SLC9A9: variants seen among roughly 807,000 people sequenced by gnomAD.
SLC9A9 encodes solute carrier family 9 member A9.
A neutral mutation model predicts 77.8 loss-of-function variants in SLC9A9; 62 were observed. That is an observed-to-expected ratio of 0.80 (90% CI 0.65 to 0.98). The LOEUF (loss-of-function observed/expected upper bound fraction) is 0.98. Ranked by LOEUF, SLC9A9 falls within the 50% of genes least tolerant of loss-of-function variation. SLC9A9 has a pLI of 0.00. For missense variants in SLC9A9, 775 were observed against 774.9 expected (o/e 1.00, Z 0.00); for synonymous variants, 320 against 283.5 (o/e 1.13, Z -1.29).
chr3:143,847,970 T>G, intron 1 of SLC9A9, 178 bp downstream of exon 1: 1 of 666,136 alleles, frequency 1.5e-6, no homozygotes, highest in Non-Finnish European at 2.6e-6. Flanking sequence ...ACATGGCAAA[T>G]TTCGGCGGCT....
At chr3:143,752,315 G>A (rs969961714) in intron 4 of SLC9A9, among the ~76,000 whole-genome samples, 31 of 152,130 alleles carry the variant, frequency 2.0e-4, no homozygotes, top group African/African-American at 7.0e-4. Context: ...CACCTGTTTT[G>A]AATTCTCTTT....
chr3:143,825,387 T>G (rs1230352099), intron 2 of SLC9A9, among the ~76,000 whole-genome samples: 1 of 149,004 alleles, frequency 6.7e-6, no homozygotes, highest in East Asian at 2.0e-4. Context: ...AAAATCAAAA[T>G]CACCATTAGG....
chr3:143,721,189 C>T (rs1934489097), intron 4 of SLC9A9, among the ~76,000 whole-genome samples: 1 of 152,124 alleles, frequency 6.6e-6, no homozygotes, highest in Admixed American at 6.5e-5. Flanking sequence ...GAGCCACTTC[C>T]CCCACACCCC....
chr3:143,506,838 T>C (rs573292461), intron 9 of SLC9A9, among the ~76,000 whole-genome samples: 1 of 152,250 alleles, frequency 6.6e-6, no homozygotes, highest in East Asian at 1.9e-4. Context: ...GTTTTGCCAA[T>C]AAGTACTAAC....
chr3:143,303,951 T>C (rs529000833), intron 14 of SLC9A9, among the ~76,000 whole-genome samples: 2 of 152,206 alleles, frequency 1.3e-5, no homozygotes, highest in Admixed American at 1.3e-4. Context: ...CAGGTTAGTC[T>C]TTAGAAAGCA....
At chr3:143,279,660 C>T (rs538011823) in intron 14 of SLC9A9, among the ~76,000 whole-genome samples, 12 of 152,194 alleles carry the variant, frequency 7.9e-5, no homozygotes, top group East Asian at 1.9e-4. Context: ...TGAGAACATG[C>T]GGTGTTTGGT....
intron 14 of SLC9A9, among the ~76,000 whole-genome samples, chr3:143,354,149 A>G (rs903926317): frequency 9.9e-5 from 15 of 152,130 alleles, no homozygotes; most frequent in Non-Finnish European, 1.6e-4. Context: ...TGCCACACTC[A>G]TCACAGGACC....
chr3:143,812,729 C>T (rs74737433), intron 2 of SLC9A9, among the ~76,000 whole-genome samples: 2,101 of 152,194 alleles, frequency 0.014, 21 homozygotes, highest in Non-Finnish European at 0.019. Context: ...GTAGAGCATT[C>T]GGCAGCGGTT....
At chr3:143,336,322 C>G (rs2031922085) in intron 14 of SLC9A9, among the ~76,000 whole-genome samples, 2 of 152,128 alleles carry the variant, frequency 1.3e-5, no homozygotes, top group Non-Finnish European at 2.9e-5. Flanking sequence ...CTATGGAAAA[C>G]AGTAAGTATG....
chr3:143,314,784 T>C (rs1268650026), intron 14 of SLC9A9, among the ~76,000 whole-genome samples: 1 of 152,184 alleles, frequency 6.6e-6, no homozygotes, highest in Non-Finnish European at 1.5e-5. Flanking sequence ...TCTGCAAAGC[T>C]GGAGGTAAAA....
intron 12 of SLC9A9, among the ~76,000 whole-genome samples, chr3:143,454,945 A>G (rs1206539174): frequency 6.6e-6 from 1 of 152,216 alleles, no homozygotes; most frequent in East Asian, 1.9e-4. Flanking sequence ...CTTGCCAGAG[A>G]AAACTCTCTT....
At chr3:143,660,880 G>A (rs757639548) in intron 5 of SLC9A9, among the ~76,000 whole-genome samples, 5 of 152,106 alleles carry the variant, frequency 3.3e-5, no homozygotes, top group Non-Finnish European at 7.4e-5. Flanking sequence ...GAAAAACCTG[G>A]ACCAATGACG....
chr3:143,626,604 C>T (rs537049996), intron 6 of SLC9A9, among the ~76,000 whole-genome samples: 1 of 137,302 alleles, frequency 7.3e-6, no homozygotes, highest in East Asian at 2.3e-4. Context: ...CATCACACAC[C>T]GGGGCTTGTT....
intron 5 of SLC9A9, among the ~76,000 whole-genome samples, chr3:143,673,511 A>G (rs2039191081): frequency 6.6e-6 from 1 of 151,272 alleles, no homozygotes; most frequent in African/African-American, 2.4e-5. Flanking sequence ...TGAAATACCA[A>G]TCCAAATACA....
intron 4 of SLC9A9, among the ~76,000 whole-genome samples, chr3:143,752,101 T>A (rs1166389152): frequency 6.6e-6 from 1 of 152,216 alleles, no homozygotes; most frequent in Non-Finnish European, 1.5e-5. Flanking sequence ...AAAGTGATGT[T>A]GAGAGATTTT....
chr3:143,627,574 T>G (rs1274656682), intron 6 of SLC9A9: 1 of 324,896 alleles, frequency 3.1e-6, no homozygotes, highest in Non-Finnish European at 6.0e-6. Flanking sequence ...CAGCGGTGGT[T>G]CTTTTCTGGC....
At chr3:143,525,408 C>T (rs2036387438) in intron 9 of SLC9A9, among the ~76,000 whole-genome samples, 1 of 152,132 alleles carries the variant, frequency 6.6e-6, no homozygotes, top group Admixed American at 6.6e-5. Context: ...AGTTAAGTGA[C>T]ATATTCAAGA....
chr3:143,270,922 C>T (rs963488756), intron 14 of SLC9A9, among the ~76,000 whole-genome samples: 1 of 152,196 alleles, frequency 6.6e-6, no homozygotes, highest in Non-Finnish European at 1.5e-5. Context: ...TGGTCAACCA[C>T]AGTCCAAAAA....
At chr3:143,348,433 C>G (rs775765436) in intron 14 of SLC9A9, among the ~76,000 whole-genome samples, 1 of 152,052 alleles carries the variant, frequency 6.6e-6, no homozygotes, top group Non-Finnish European at 1.5e-5. Context: ...AAGAAAGCAC[C>G]TTTATTTACT....
Sources: gnomAD v4.1 joint callset for allele counts (sites outside exome capture counted in the v4.1 genomes callset) on GRCh38, gnomAD v4.1.1 for gene constraint, MANE v1.5 for transcripts, NCBI Gene and HGNC (gene_info 2026-07-23, HGNC 2026-07-21) for gene names.